MND1: variants seen among roughly 807,000 people sequenced by gnomAD.
MND1 encodes the protein meiotic nuclear division protein 1 homolog.
MND1 carries 28 observed loss-of-function variants against 35.1 expected under a neutral mutation model. The observed-to-expected ratio is 0.80, with a 90% CI of 0.59 to 1.09. The LOEUF (loss-of-function observed/expected upper bound fraction) is 1.09. Among genes scored for constraint, MND1 ranks in the 50% least tolerant of loss-of-function variants. The pLI is 0.00. For missense variants in MND1, 213 were observed against 239.6 expected, an observed-to-expected ratio of 0.89 and a Z score of 0.73; for synonymous variants, 69 against 70.5, an observed-to-expected ratio of 0.98 and a Z score of 0.11.
intron 4 of MND1, among the ~76,000 whole-genome samples, chr4:153,360,769 A>C (rs1773467215): frequency 7.4e-6 from 1 of 134,716 alleles, no homozygotes; most frequent in African/African-American, 3.1e-5. Context: ...ACACACATAT[A>C]CATATACACA....
intron 4 of MND1, among the ~76,000 whole-genome samples, chr4:153,367,553 A>G (rs1443155356): frequency 6.6e-6 from 1 of 152,214 alleles, no homozygotes; most frequent in Non-Finnish European, 1.5e-5. Context: ...TTATCCATTC[A>G]CAAATACACC....
chr4:153,355,121 GCCACTGTACTC>G (rs1473727617), intron 2 of MND1, among the ~76,000 whole-genome samples: 1 of 151,938 alleles, frequency 6.6e-6, no homozygotes, highest in Non-Finnish European at 1.5e-5. Flanking sequence ...CCATGATCGT[GCCACTGTACTC>G]CCATCTGGGC....
At chr4:153,399,667 G>A (rs1234922296) in intron 6 of MND1, among the ~76,000 whole-genome samples, 1 of 152,138 alleles carries the variant, frequency 6.6e-6, no homozygotes, top group Non-Finnish European at 1.5e-5. Context: ...AAAGGACGGT[G>A]AACTTTCTGG....
intron 2 of MND1, among the ~76,000 whole-genome samples, chr4:153,352,036 C>T (rs2149629321): frequency 6.8e-6 from 1 of 146,712 alleles, no homozygotes; most frequent in African/African-American, 2.6e-5. Flanking sequence ...TTTTGGAAAC[C>T]TTTTAAAAAC....
chr4:153,367,465 A>G (rs1027756501), intron 4 of MND1, among the ~76,000 whole-genome samples: 13 of 152,208 alleles, frequency 8.5e-5, no homozygotes, highest in African/African-American at 2.9e-4. Context: ...AAGTTCATCT[A>G]TGTTGTAGTA....
chr4:153,360,336 T>C (rs1773450741), intron 4 of MND1, among the ~76,000 whole-genome samples: 2 of 152,132 alleles, frequency 1.3e-5, no homozygotes, highest in Non-Finnish European at 2.9e-5. Flanking sequence ...GTCCAACTGG[T>C]CAATTTTTTT....
chr4:153,365,100 C>T (rs1017492250), intron 4 of MND1, among the ~76,000 whole-genome samples: 10 of 97,508 alleles, frequency 1.0e-4, no homozygotes, highest in African/African-American at 6.7e-4. Flanking sequence ...GTTGTTGCCA[C>T]CAAAAAAAAA....
At position 153,401,849 on chromosome 4, in the gene MND1, A is replaced by G. The variant is rs530483026; in HGVS notation, c.466+4516A>G. On this transcript the variant is annotated intron_variant, in intron 6 of 7. Transcript: ENST00000240488. ...TCACTAACACCCATGAGAAATACATATATTTAATTATGCCAGTTGAATTAT... is the reference window on the plus strand; with the variant it reads ...TCACTAACACCCATGAGAAATACATGTATTTAATTATGCCAGTTGAATTAT... Among the ~76,000 whole-genome samples, 21 of 152,320 alleles carry G rather than the reference A, an allele frequency of 1.4e-4. 1 individual carries two copies. In the South Asian group the frequency reaches 3.3e-3, roughly 24 times the overall value.
intron 4 of MND1, among the ~76,000 whole-genome samples, chr4:153,371,815 C>G (rs1773795603): frequency 6.6e-6 from 1 of 152,124 alleles, no homozygotes; most frequent in East Asian, 1.9e-4. Context: ...CTCTTTGGCA[C>G]AAGAGGCCTA....
chr4:153,406,508 A>G, intron 6 of MND1, among the ~76,000 whole-genome samples: 1 of 151,886 alleles, frequency 6.6e-6, no homozygotes. Context: ...GGTGACAGAG[A>G]CTCCATCACA....
chr4:153,386,010 A>C (rs955423239), intron 4 of MND1, among the ~76,000 whole-genome samples: 1 of 152,150 alleles, frequency 6.6e-6, no homozygotes, highest in Admixed American at 6.5e-5. Flanking sequence ...AATGATGTCA[A>C]TGTAGGTTCA....
At position 153,397,314 on chromosome 4, in the gene MND1, G is replaced by C; in HGVS notation, c.447G>C (p.Pro149=). The C allele has an allele frequency of 6.2e-7, 1 of 1,609,970 alleles. No homozygotes were observed. The highest frequency in any genetic ancestry group is 8.5e-7 in the Non-Finnish European group (1 of 1,177,662). The change falls in exon 6 of 8, where the codon CCG becomes CCC. Residue 149 remains proline, a synonymous_variant. Transcript: ENST00000240488. ...AEVEKYKDCD[P]QVVEEIRQAN... ...TAGAAAAATACAAAGACTGTGATCC[G>C]CAAGTTGTGGAAGAAATACGTAAGT...
At chr4:153,358,030 A>G (rs1664522739) in intron 3 of MND1, among the ~76,000 whole-genome samples, 1 of 152,128 alleles carries the variant, frequency 6.6e-6, no homozygotes, top group Non-Finnish European at 1.5e-5. Flanking sequence ...AAAAACTTGC[A>G]TTTCTGTAGT....
intron 4 of MND1, among the ~76,000 whole-genome samples, chr4:153,374,843 G>A (rs1367135975): frequency 1.3e-5 from 2 of 152,086 alleles, no homozygotes; most frequent in Non-Finnish European, 2.9e-5. Flanking sequence ...CGTCTTCTAA[G>A]ATAGCAGACA....
chr4:153,381,687 T>TA (rs1728701405), intron 4 of MND1: 2 of 27,512 alleles, frequency 7.3e-5, no homozygotes, highest in Non-Finnish European at 1.4e-4. Flanking sequence ...TATATATATA[T>TA]ATATATTTTT....
chr4:153,405,395 C>T (rs1729471726), intron 6 of MND1, among the ~76,000 whole-genome samples: 1 of 151,814 alleles, frequency 6.6e-6, no homozygotes, highest in Non-Finnish European at 1.5e-5. Flanking sequence ...AAAAATTAGC[C>T]AGGCGTGGTG....
intron 6 of MND1, among the ~76,000 whole-genome samples, chr4:153,400,887 T>C (rs1354694884): frequency 1.3e-5 from 2 of 152,162 alleles, no homozygotes; most frequent in African/African-American, 4.8e-5. Flanking sequence ...AAAGTTATTA[T>C]AACTGTATTC....
chr4:153,378,471 A>G (rs1441087805), intron 4 of MND1, among the ~76,000 whole-genome samples: 2 of 152,236 alleles, frequency 1.3e-5, no homozygotes, highest in African/African-American at 2.4e-5. Flanking sequence ...GAATTTGAGC[A>G]ATCCTGGGTT....
In MND1 at chr4:153,408,906, T is replaced by G. The variant is rs548353344; in HGVS notation, c.467-65T>G. 1,990 of 329,896 alleles carry G rather than the reference T, an allele frequency of 6.0e-3. 7 individuals carry two copies. Among genetic ancestry groups the G allele is most frequent in the Non-Finnish European group, 7.2e-3 (1,619 of 225,838 alleles). 20.4% of individuals were successfully genotyped at this position (329,896 alleles called of 1,614,324 possible). A position where few individuals can be genotyped will look rare whatever the true frequency, so the allele number is the denominator to read the frequency against. The stretch of plus-strand genomic sequence containing the variant: ...AATGTATACATAGCTAAAGATCATT[T>G]TGTGTGTATATATATATATATATAT... On this transcript the variant is annotated intron_variant, in intron 6 of 7. Coordinates refer to ENST00000240488, the MANE Select transcript of MND1 (RefSeq NM_032117.4).
Sources: gnomAD v4.1 joint callset for allele counts (sites outside exome capture counted in the v4.1 genomes callset) on GRCh38, gnomAD v4.1.1 for gene constraint, MANE v1.5 for transcripts, NCBI Gene and HGNC (gene_info 2026-07-23, HGNC 2026-07-21) for gene names.